Variants in SVEP1 observed in about 807,000 individuals in gnomAD.
The protein encoded by SVEP1 is sushi, von Willebrand factor type A, EGF and pentraxin domain containing 1.
In SVEP1, 164 loss-of-function variants were observed where a neutral mutation model predicts 367.3. The observed-to-expected ratio is 0.45, with a 90% CI of 0.39 to 0.51. SVEP1 has a LOEUF of 0.51. SVEP1 is among the 20% of genes least tolerant of loss of function. SVEP1 has a pLI of 0.00. For missense variants in SVEP1, 4,117 were observed against 4,425.3 expected (o/e 0.93, Z 1.98); for synonymous variants, 1,666 against 1,611.6 (o/e 1.03, Z -0.81).
intron 38 of SVEP1, 45 bp from the exon 39 acceptor site, chr9:110,404,597 A>G (rs1006647650): frequency 1.3e-6 from 2 of 1,545,782 alleles, no homozygotes; most frequent in South Asian, 1.1e-5. Context: ...GAAGTACAAT[A>G]TAGTTTCTGA....
rs1827998461 is a variant in SVEP1 at position 110,408,830 on chromosome 9, A to G, written c.6770T>C (p.Leu2257Pro). ...TCCACAGTCGAGAGGAACACACATC[A>G]GAGGGGATTCACTGTGCCAGTGGCG... is the stretch of plus-strand genomic sequence containing the variant. ...ANRHWHSESP[L>P]MCVPLDCGKP... The change falls in exon 38 of 48, where the codon CTG becomes CCG. Residue 2257 changes from leucine (L) to proline (P), a missense_variant. Physicochemically the swap from Leu to Pro is moderately conservative, Grantham distance 98. Transcript: ENST00000374469. 6.2e-7 allele frequency: 1 copy of G among 1,613,486 alleles called. No individual in the cohort carries two copies. Among genetic ancestry groups the G allele is most frequent in the Non-Finnish European group, 8.5e-7 (1 of 1,179,874 alleles).
chr9:110,512,752 TG>T, intron 5 of SVEP1, 173 bp downstream of exon 5: 1 of 762,844 alleles, frequency 1.3e-6, no homozygotes, highest in Non-Finnish European at 2.2e-6. Context: ...TACAATTATG[TG>T]GTCAATTGAA....
chr9:110,406,765 T>C lies in SVEP1; in HGVS notation c.8835A>G (p.Lys2945=), dbSNP rs1827960902. The change falls in exon 38 of 48, where the codon AAA becomes AAG. Residue 2945 remains lysine, a synonymous_variant. Transcript: ENST00000374469. ...GNWDAEIPLC[K]PVNCGPPEDL... is the part of the protein sequence containing the mutation. ...CTTCAGGAGGTCCACAGTTGACTGGTTTACAGAGAGGAATCTCTGCATCCC... is the reference window on the plus strand; with the variant it reads ...CTTCAGGAGGTCCACAGTTGACTGGCTTACAGAGAGGAATCTCTGCATCCC... The C allele has an allele frequency of 6.2e-7, 1 of 1,614,030 alleles. No individual in the cohort carries two copies. Among genetic ancestry groups the C allele is most frequent in the Non-Finnish European group, 8.5e-7 (1 of 1,179,892 alleles).
At position 110,451,383 on chromosome 9, in the gene SVEP1, A is replaced by G. The variant is rs1828691191; in HGVS notation, c.3807T>C (p.Asn1269=). 3.1e-6 allele frequency: 5 copies of G among 1,613,298 alleles called. No individual in the cohort carries two copies. Among genetic ancestry groups the G allele is most frequent in the Admixed American group, 1.7e-5 (1 of 59,922 alleles). ...AAGGACTGGAGCTACACTCATTTAT[A>G]TTTTCTTCACACCGCTGACCTGCAA... is the stretch of plus-strand genomic sequence containing the variant. ...SGYTGQRCEE[N]INECSSSPCL... Residue 1269 remains asparagine (N), a synonymous_variant, in exon 23 of 48, where the codon AAT becomes AAC. Transcript: ENST00000374469.
chr9:110,488,713 A>C (rs1269143625), intron 9 of SVEP1, among the ~76,000 whole-genome samples: 1 of 151,954 alleles, frequency 6.6e-6, no homozygotes, highest in South Asian at 2.1e-4. Context: ...AATTAAAAAA[A>C]AACAAAACAA....
chr9:110,529,646 TTTA>T (rs1297499930), intron 3 of SVEP1, among the ~76,000 whole-genome samples: 1 of 152,082 alleles, frequency 6.6e-6, no homozygotes, highest in Non-Finnish European at 1.5e-5. Context: ...GATTGAGTTA[TTTA>T]TTTGATTTTC....
intron 1 of SVEP1, among the ~76,000 whole-genome samples, chr9:110,566,955 T>A (rs1348225366): frequency 2.0e-5 from 3 of 152,174 alleles, no homozygotes; most frequent in Non-Finnish European, 4.4e-5. Flanking sequence ...TTTATATTGC[T>A]CTCTCGGGAA....
At chr9:110,467,752 C>T (rs1828959369) in intron 17 of SVEP1, among the ~76,000 whole-genome samples, 1 of 151,850 alleles carries the variant, frequency 6.6e-6, no homozygotes, top group Non-Finnish European at 1.5e-5. Flanking sequence ...CCTCCCACCT[C>T]ATTCTCCTGA....
At position 110,408,241 on chromosome 9, in the gene SVEP1, C is replaced by G. The variant is rs766412372; in HGVS notation, c.7359G>C (p.Val2453=). 1 of 1,613,992 alleles carries G rather than the reference C, an allele frequency of 6.2e-7. No individual in the cohort carries two copies. Among genetic ancestry groups the G allele is most frequent in the Admixed American group, 1.7e-5 (1 of 60,010 alleles). The stretch of plus-strand genomic sequence containing the variant: ...CTGTGCTGAGATAGGCAAGGCCTTG[C>G]ACATCAATGATTCCATTGGGGATTT... The part of the protein sequence containing the change: ...PEEIPNGIID[V]QGLAYLSTAL... Residue 2453 remains valine, a synonymous_variant, in exon 38 of 48, where the codon GTG becomes GTC. Coordinates refer to ENST00000374469, the MANE Select transcript of SVEP1 (RefSeq NM_153366.4).
In SVEP1 at chr9:110,406,313, A is replaced by G. The variant is rs1827953602; in HGVS notation, c.9287T>C (p.Ile3096Thr). 2 of 1,614,070 alleles carry G rather than the reference A, an allele frequency of 1.2e-6. No homozygotes were observed. Among genetic ancestry groups the G allele is most frequent in the Non-Finnish European group, 1.7e-6 (2 of 1,179,914 alleles). The change falls in exon 38 of 48, where the codon ATA becomes ACA. Residue 3096 changes from isoleucine to threonine, a missense_variant. Physicochemically the swap from Ile to Thr is moderately conservative, Grantham distance 89. Coordinates refer to ENST00000374469, the MANE Select transcript of SVEP1 (RefSeq NM_153366.4). ...ITYSCRSGYV[I>T]QGSSDLICTE... is the part of the protein sequence containing the mutation. ...ACAAATCAGATCTGAACTGCCTTGT[A>G]TGACATATCCAGACCTGCAGCTGTA... is the stretch of plus-strand genomic sequence containing the variant.
rs57879606 is a variant in SVEP1 at position 110,447,147 on chromosome 9, G to T, written c.4104-90C>A. 3,083 of 1,184,384 alleles carry T rather than the reference G, an allele frequency of 2.6e-3. 56 individuals are homozygous for T. The African/African-American group carries it at 0.044, about 17-fold the overall frequency. The allele number at this position is 1,184,384 out of a possible 1,614,324, so 73.4% of individuals were successfully genotyped here. On this transcript the variant is annotated intron_variant, in intron 24 of 47. Coordinates refer to ENST00000374469, the MANE Select transcript of SVEP1 (RefSeq NM_153366.4). ...CTTATCTCGAAAGACTTTGAAAATT[G>T]AAATGCTGGAACACATTTTCTACAC...
intron 46 of SVEP1, 70 bp downstream of exon 46, chr9:110,375,298 C>A: frequency 7.4e-7 from 1 of 1,351,114 alleles, no homozygotes. Context: ...GTCTAAGTCA[C>A]ACTCTTCAAT....
chr9:110,518,221 G>A (rs1435856430), intron 3 of SVEP1, among the ~76,000 whole-genome samples: 1 of 151,908 alleles, frequency 6.6e-6, no homozygotes, highest in African/African-American at 2.4e-5. Flanking sequence ...TCAGAAGTTC[G>A]AGACTAGCCT....
chr9:110,555,118 T>C (rs1830339598), intron 1 of SVEP1, among the ~76,000 whole-genome samples: 1 of 151,976 alleles, frequency 6.6e-6, no homozygotes, highest in South Asian at 2.1e-4. Flanking sequence ...CACCCTAAGC[T>C]TGTGCTCATT....
At position 110,385,895 on chromosome 9, in the gene SVEP1, T is replaced by TA; in HGVS notation, c.10237+2dup. 6.2e-7 allele frequency: 1 copy of TA among 1,611,558 alleles called. No homozygotes were observed. The highest frequency in any genetic ancestry group is 8.5e-7 in the Non-Finnish European group (1 of 1,178,878). On this transcript the variant is annotated splice_region_variant and intron_variant, in intron 43 of 47. Transcript: ENST00000374469. Reference sequence around the variant, plus strand: ...ATGAACTGGCTTCCGCCTGCTGACTTACTTTCACATTTGGCGCTTGTCTGT... The same window carrying TA: ...ATGAACTGGCTTCCGCCTGCTGACTTAACTTTCACATTTGGCGCTTGTCTGT...
chr9:110,578,990 G>A, intron 1 of SVEP1, 23 bp downstream of exon 1: 1 of 1,545,218 alleles, frequency 6.5e-7, no homozygotes, highest in Non-Finnish European at 8.7e-7. Context: ...TAGGGCCCGG[G>A]TCGGGAGGGG....
chr9:110,521,857 G>T (rs1164937032), intron 3 of SVEP1, among the ~76,000 whole-genome samples: 2 of 151,986 alleles, frequency 1.3e-5, no homozygotes, highest in African/African-American at 4.8e-5. Flanking sequence ...GTAAGAAAGA[G>T]AAAAAAATTG....
chr9:110,575,084 A>T (rs77748855), intron 1 of SVEP1, among the ~76,000 whole-genome samples: 28,920 of 151,880 alleles, frequency 0.19, 2,842 homozygotes, highest in East Asian at 0.28. Flanking sequence ...TCATAGCCCA[A>T]CCAAAATGAG....
In SVEP1 at chr9:110,408,227, T is replaced by C; in HGVS notation, c.7373A>G (p.Tyr2458Cys). The change falls in exon 38 of 48, where the codon TAT becomes TGT. Residue 2458 changes from tyrosine to cysteine, a missense_variant. Physicochemically the swap from Tyr to Cys is radical, Grantham distance 194. Coordinates refer to ENST00000374469, the MANE Select transcript of SVEP1 (RefSeq NM_153366.4). ...NGIIDVQGLA[Y>C]LSTALYTCKP... ...GCAGGTATAGAGAGCTGTGCTGAGATAGGCAAGGCCTTGCACATCAATGAT... is the reference window on the plus strand; with the variant it reads ...GCAGGTATAGAGAGCTGTGCTGAGACAGGCAAGGCCTTGCACATCAATGAT... 14 of 1,614,010 alleles carry C rather than the reference T, an allele frequency of 8.7e-6. No homozygotes were observed. The highest frequency in any genetic ancestry group is 1.2e-5 in the Non-Finnish European group (14 of 1,179,904).
Sources: gnomAD v4.1 joint callset for allele counts (sites outside exome capture counted in the v4.1 genomes callset) on GRCh38, gnomAD v4.1.1 for gene constraint, MANE v1.5 for transcripts, NCBI Gene and HGNC (gene_info 2026-07-23, HGNC 2026-07-21) for gene names.